The following HDAC9 variants were observed in gnomAD, a reference collection of about 807,000 sequenced individuals.
HDAC9 encodes histone deacetylase 9.
HDAC9 carries 41 observed loss-of-function variants against 139.4 expected under a neutral mutation model. That is an observed-to-expected ratio of 0.29 (90% CI 0.23 to 0.38). The LOEUF (loss-of-function observed/expected upper bound fraction) is 0.38. Among genes scored for constraint, HDAC9 ranks in the 10% least tolerant of loss-of-function variants. The pLI is 1.00. For missense variants in HDAC9, 1,147 were observed against 1,297.0 expected (o/e 0.88, Z 1.78); for synonymous variants, 517 against 476.2 (o/e 1.09, Z -1.12).
chr7:18,688,445 T>G (rs1782435709), intron 12 of HDAC9, among the ~76,000 whole-genome samples: 1 of 152,046 alleles, frequency 6.6e-6, no homozygotes, highest in South Asian at 2.1e-4. Context: ...CAGTGACATT[T>G]TCCAACCAAT....
At chr7:18,767,605 G>T (rs1388238903) in intron 16 of HDAC9, among the ~76,000 whole-genome samples, 1 of 152,110 alleles carries the variant, frequency 6.6e-6, no homozygotes, top group East Asian at 1.9e-4. Flanking sequence ...TTGCATTATG[G>T]GACATTTTGT....
At chr7:18,503,519 A>G (rs922240946) in intron 2 of HDAC9, among the ~76,000 whole-genome samples, 1 of 152,222 alleles carries the variant, frequency 6.6e-6, no homozygotes, top group Non-Finnish European at 1.5e-5. Flanking sequence ...TTGTGTTTTT[A>G]TAAGAATATA....
At chr7:18,689,777 A>T (rs1408608188) in intron 12 of HDAC9, among the ~76,000 whole-genome samples, 1 of 151,938 alleles carries the variant, frequency 6.6e-6, no homozygotes, top group Non-Finnish European at 1.5e-5. Flanking sequence ...GGTTGGTGGC[A>T]TATTTCTTCT....
chr7:18,797,192 TAATA>T (rs1792876135), intron 17 of HDAC9, among the ~76,000 whole-genome samples: 1 of 152,192 alleles, frequency 6.6e-6, no homozygotes, highest in African/African-American at 2.4e-5. Context: ...GCAGATAGGT[TAATA>T]AATAATAAAA....
chr7:18,732,649 A>G lies in HDAC9; in HGVS notation c.1909+4892A>G, dbSNP rs549757882. On this transcript the variant is annotated intron_variant, in intron 13 of 25. Coordinates refer to ENST00000686413, the MANE Select transcript of HDAC9 (RefSeq NM_178425.4). ...CACGTGTATATGTGTGCATATGTGT[A>G]TATATACACACACACGTGTATATGT... is the stretch of plus-strand genomic sequence containing the variant. 6.3e-5 allele frequency among the ~76,000 whole-genome samples: 5 copies of G among 78,928 alleles called. 1 individual carries two copies. The highest frequency in any genetic ancestry group is 8.5e-4 in the South Asian group (2 of 2,354). 51.8% of individuals were successfully genotyped at this position (78,928 alleles called of 152,430 possible). A position where few individuals can be genotyped will look rare whatever the true frequency, so the allele number is the denominator to read the frequency against.
chr7:18,923,022 G>A (rs1803898766), intron 22 of HDAC9, among the ~76,000 whole-genome samples: 1 of 151,958 alleles, frequency 6.6e-6, no homozygotes, highest in South Asian at 2.1e-4. Context: ...TTGACACATG[G>A]TGATAATGAT....
At chr7:18,278,360 G>A (rs1796882225) in intron 2 of HDAC9, among the ~76,000 whole-genome samples, 1 of 152,166 alleles carries the variant, frequency 6.6e-6, no homozygotes, top group South Asian at 2.1e-4. Flanking sequence ...CATACGCTTT[G>A]AATGGAGTGC....
intron 2 of HDAC9, among the ~76,000 whole-genome samples, chr7:18,188,302 A>C (rs539131579): frequency 2.6e-5 from 4 of 152,110 alleles, no homozygotes; most frequent in Non-Finnish European, 5.9e-5. Context: ...CTATATGCAG[A>C]AAATTGAAAC....
At chr7:18,393,527 G>A (rs1265535352) in intron 1 of HDAC9, among the ~76,000 whole-genome samples, 1 of 152,110 alleles carries the variant, frequency 6.6e-6, no homozygotes, top group East Asian at 1.9e-4. Context: ...GTTTTTAAAA[G>A]GATGGATGAG....
chr7:18,706,381 A>C (rs1464705806), intron 12 of HDAC9, among the ~76,000 whole-genome samples: 1 of 152,094 alleles, frequency 6.6e-6, no homozygotes, highest in Non-Finnish European at 1.5e-5. Flanking sequence ...TTAGTAATAA[A>C]ATATTTGCTT....
At chr7:18,244,942 G>GT (rs1794419591) in intron 2 of HDAC9, among the ~76,000 whole-genome samples, 1 of 148,756 alleles carries the variant, frequency 6.7e-6, no homozygotes, top group Admixed American at 6.7e-5. Flanking sequence ...ATCTATATCT[G>GT]TATCTGTATA....
intron 2 of HDAC9, among the ~76,000 whole-genome samples, chr7:18,200,870 A>C (rs984879017): frequency 6.6e-6 from 1 of 152,132 alleles, no homozygotes; most frequent in African/African-American, 2.4e-5. Context: ...TTAAAGTGAG[A>C]TGGCTCTGGC....
At position 18,616,037 on chromosome 7, in the gene HDAC9, G is replaced by T. The variant is rs59464861; in HGVS notation, c.665-13313G>T. Reference sequence around the variant, plus strand: ...CGGAGGCTGCCTGCAAGCTCTAGCTGTGGGCTGTCCCATCCTCGTGGCCAC... The same window carrying T: ...CGGAGGCTGCCTGCAAGCTCTAGCTTTGGGCTGTCCCATCCTCGTGGCCAC... On this transcript the variant is annotated intron_variant, in intron 6 of 25. Transcript: ENST00000686413. Among the ~76,000 whole-genome samples the T allele has an allele frequency of 7.8e-3, 1,180 of 152,254 alleles. 16 individuals are homozygous for T. The highest frequency in any genetic ancestry group is 0.027 in the African/African-American group (1,128 of 41,536).
intron 2 of HDAC9, among the ~76,000 whole-genome samples, chr7:18,196,296 A>G (rs1458724840): frequency 6.6e-6 from 1 of 152,164 alleles, no homozygotes; most frequent in Non-Finnish European, 1.5e-5. Context: ...GTGTAGAGGA[A>G]CAGTGATTTT....
chr7:18,686,246 T>C (rs1782261188), intron 12 of HDAC9, among the ~76,000 whole-genome samples: 1 of 152,002 alleles, frequency 6.6e-6, no homozygotes, highest in Non-Finnish European at 1.5e-5. Flanking sequence ...TTTGCTACTA[T>C]GCTAACTTTT....
chr7:18,595,937 T>A (rs1832351724), intron 6 of HDAC9, among the ~76,000 whole-genome samples: 1 of 152,082 alleles, frequency 6.6e-6, no homozygotes. Context: ...TCTCATAGAT[T>A]TTTTTCAATC....
chr7:18,567,186 G>A (rs1284460013), intron 2 of HDAC9, among the ~76,000 whole-genome samples: 1 of 152,104 alleles, frequency 6.6e-6, no homozygotes, highest in Non-Finnish European at 1.5e-5. Context: ...CAAGTGAACC[G>A]CCTACGTAAA....
chr7:18,622,498 A>G (rs1238783865), intron 6 of HDAC9, among the ~76,000 whole-genome samples: 2 of 151,688 alleles, frequency 1.3e-5, no homozygotes, highest in Non-Finnish European at 2.9e-5. Context: ...AATTTTTTGT[A>G]TTTTTAATAG....
chr7:18,617,655 A>G (rs113059052), intron 6 of HDAC9, among the ~76,000 whole-genome samples: 1 of 152,154 alleles, frequency 6.6e-6, no homozygotes, highest in Non-Finnish European at 1.5e-5. Context: ...ATCTCTGTGC[A>G]TATATCTCTA....
Sources: gnomAD v4.1 joint callset for allele counts (sites outside exome capture counted in the v4.1 genomes callset) on GRCh38, gnomAD v4.1.1 for gene constraint, MANE v1.5 for transcripts, NCBI Gene and HGNC (gene_info 2026-07-23, HGNC 2026-07-21) for gene names.